Variants in MAGI2 observed in about 807,000 individuals in gnomAD.
MAGI2 encodes the protein membrane-associated guanylate kinase, WW and PDZ domain-containing protein 2.
MAGI2 carries 35 observed loss-of-function variants against 133.3 expected under a neutral mutation model. That is an observed-to-expected ratio of 0.26 (90% CI 0.20 to 0.35). The LOEUF is 0.35. MAGI2 is among the 10% of genes least tolerant of loss of function. The pLI is 1.00. For synonymous variants in MAGI2, 729 were observed against 710.6 expected (o/e 1.03, Z -0.41); for missense variants, 1,636 against 1,863.4 (o/e 0.88, Z 2.25).
intron 6 of MAGI2, among the ~76,000 whole-genome samples, chr7:78,451,323 C>G (rs1267883726): frequency 6.6e-6 from 1 of 151,998 alleles, no homozygotes; most frequent in East Asian, 1.9e-4. Flanking sequence ...GAGAGGGTTC[C>G]TCCTGGTGTT....
intron 1 of MAGI2, among the ~76,000 whole-genome samples, chr7:79,317,967 C>A (rs1197184197): frequency 6.6e-6 from 1 of 152,158 alleles, no homozygotes; most frequent in East Asian, 1.9e-4. Context: ...TGCTCTTTGA[C>A]CAGTATTGAT....
At chr7:78,378,929 C>T (rs1417475814) in intron 6 of MAGI2, among the ~76,000 whole-genome samples, 1 of 152,034 alleles carries the variant, frequency 6.6e-6, no homozygotes, top group Admixed American at 6.6e-5. Flanking sequence ...GGCCAATGAG[C>T]TCACGTACTA....
chr7:78,883,696 G>C (rs1796052389), intron 2 of MAGI2, among the ~76,000 whole-genome samples: 2 of 151,946 alleles, frequency 1.3e-5, no homozygotes, highest in Admixed American at 1.3e-4. Flanking sequence ...GAACCAAATA[G>C]AGCCACACAA....
At chr7:79,257,650 G>A (rs985329731) in intron 1 of MAGI2, among the ~76,000 whole-genome samples, 3 of 152,158 alleles carry the variant, frequency 2.0e-5, no homozygotes, top group African/African-American at 7.2e-5. Flanking sequence ...ATCCAAAACA[G>A]TGAGCATCTT....
intron 2 of MAGI2, among the ~76,000 whole-genome samples, chr7:78,743,009 T>A (rs1822575120): frequency 6.6e-6 from 1 of 152,190 alleles, no homozygotes; most frequent in Non-Finnish European, 1.5e-5. Flanking sequence ...TTGTCCTAGC[T>A]CCAGTCAGTG....
intron 1 of MAGI2, among the ~76,000 whole-genome samples, chr7:79,408,385 T>A (rs775941508): frequency 3.9e-5 from 6 of 152,096 alleles, no homozygotes; most frequent in Non-Finnish European, 4.4e-5. Context: ...ACAGAAATCA[T>A]TGAAATCAAA....
intron 20 of MAGI2, among the ~76,000 whole-genome samples, chr7:78,080,708 C>T (rs1254210956): frequency 2.0e-5 from 3 of 152,226 alleles, no homozygotes; most frequent in Non-Finnish European, 4.4e-5. Flanking sequence ...GTCTGTCCAA[C>T]AGCAACTCTA....
intron 1 of MAGI2, among the ~76,000 whole-genome samples, chr7:79,225,071 C>T (rs1830734378): frequency 6.6e-6 from 1 of 152,256 alleles, no homozygotes; most frequent in South Asian, 2.1e-4. Context: ...GGGGCAACTC[C>T]TGCTTACCTT....
At chr7:79,120,293 T>C (rs2129544572) in intron 1 of MAGI2, among the ~76,000 whole-genome samples, 1 of 152,186 alleles carries the variant, frequency 6.6e-6, no homozygotes, top group South Asian at 2.1e-4. Flanking sequence ...CTTCCAGTAA[T>C]GATATTCATT....
chr7:79,052,304 C>T (rs1562834594), intron 1 of MAGI2, among the ~76,000 whole-genome samples: 1 of 152,174 alleles, frequency 6.6e-6, no homozygotes, highest in South Asian at 2.1e-4. Flanking sequence ...GGACTGATTA[C>T]ATAACTTGTG....
intron 2 of MAGI2, among the ~76,000 whole-genome samples, chr7:78,888,329 C>T (rs1056509205): frequency 1.3e-5 from 2 of 152,300 alleles, no homozygotes; most frequent in East Asian, 3.9e-4. Context: ...CAAAAGGCAG[C>T]AGAAACCTCT....
intron 1 of MAGI2, among the ~76,000 whole-genome samples, chr7:79,027,174 A>C (rs1245161156): frequency 6.6e-6 from 1 of 152,074 alleles, no homozygotes; most frequent in Non-Finnish European, 1.5e-5. Context: ...CATATGATCT[A>C]GCAATCTCAC....
chr7:79,406,083 A>G (rs1845787795), intron 1 of MAGI2, among the ~76,000 whole-genome samples: 1 of 152,146 alleles, frequency 6.6e-6, no homozygotes, highest in African/African-American at 2.4e-5. Flanking sequence ...TACAAAGTTA[A>G]TAACCTCAAA....
chr7:78,162,760 ATTT>A (rs1451397283), intron 15 of MAGI2, among the ~76,000 whole-genome samples: 1 of 152,126 alleles, frequency 6.6e-6, no homozygotes, highest in East Asian at 1.9e-4. Context: ...AAATGAGCAT[ATTT>A]AAAATCAGGA....
intron 2 of MAGI2, among the ~76,000 whole-genome samples, chr7:78,899,916 C>A (rs1466916465): frequency 1.3e-5 from 2 of 152,158 alleles, no homozygotes; most frequent in African/African-American, 4.8e-5. Context: ...TTAGAGATTT[C>A]TTTACTCTCA....
chr7:79,410,712 A>C (rs977460671), intron 1 of MAGI2: 4 of 152,178 alleles, frequency 2.6e-5, no homozygotes, highest in African/African-American at 7.2e-5. Context: ...GTTTCATAGG[A>C]GTTCCATCAG....
At chr7:78,232,922 T>G (rs1231799506) in intron 10 of MAGI2, among the ~76,000 whole-genome samples, 1 of 152,198 alleles carries the variant, frequency 6.6e-6, no homozygotes, top group Non-Finnish European at 1.5e-5. Flanking sequence ...TTTACATGTT[T>G]TGTTCACTGC....
chr7:79,322,138 G>C (rs1235970023), intron 1 of MAGI2, among the ~76,000 whole-genome samples: 2 of 152,074 alleles, frequency 1.3e-5, no homozygotes. Context: ...GCATAAAAAA[G>C]TAGCTGGTTC....
chr7:78,852,921 T>C (rs541181490), intron 2 of MAGI2, among the ~76,000 whole-genome samples: 1 of 152,278 alleles, frequency 6.6e-6, no homozygotes, highest in Admixed American at 6.5e-5. Flanking sequence ...GCAAGAATGA[T>C]GGATTTTTAG....
Sources: allele counts gnomAD v4.1 joint callset (sites outside exome capture counted in the v4.1 genomes callset), GRCh38; gene constraint gnomAD v4.1.1; transcripts MANE v1.5; gene names NCBI Gene and HGNC (gene_info 2026-07-23, HGNC 2026-07-21).